The following RALGPS2 variants were observed in gnomAD, a reference collection of about 807,000 sequenced individuals.
RALGPS2 encodes Ral GEF with PH domain and SH3 binding motif 2, also known as ras-specific guanine nucleotide-releasing factor RalGPS2.
In RALGPS2, 43 loss-of-function variants were observed where a neutral mutation model predicts 86.8. The observed-to-expected ratio is 0.50, with a 90% CI of 0.39 to 0.64. The LOEUF (loss-of-function observed/expected upper bound fraction) is 0.64. Ranked by LOEUF, RALGPS2 falls within the 30% of genes least tolerant of loss-of-function variation. The pLI, the probability that RALGPS2 is intolerant of heterozygous loss-of-function variation, is 0.00. For missense variants in RALGPS2, 536 were observed against 694.6 expected, an observed-to-expected ratio of 0.77 and a Z score of 2.57; for synonymous variants, 243 against 231.3, an observed-to-expected ratio of 1.05 and a Z score of -0.46.
intron 1 of RALGPS2, among the ~76,000 whole-genome samples, chr1:178,752,486 T>C (rs979700425): frequency 8.5e-5 from 13 of 152,060 alleles, no homozygotes; most frequent in African/African-American, 3.1e-4. Flanking sequence ...TTGCCAGCAC[T>C]ATCTTCCTGC....
At chr1:178,845,942 A>T (rs1656845503) in intron 8 of RALGPS2, among the ~76,000 whole-genome samples, 1 of 152,214 alleles carries the variant, frequency 6.6e-6, no homozygotes, top group African/African-American at 2.4e-5. Context: ...TCCTTATCAT[A>T]GTTAATGACA....
intron 1 of RALGPS2, among the ~76,000 whole-genome samples, chr1:178,773,401 A>G (rs12143050): frequency 0.089 from 13,543 of 152,240 alleles, 654 homozygotes; most frequent in African/African-American, 0.13. Flanking sequence ...CATTTATAAC[A>G]CAAAGAAAAG....
At chr1:178,871,931 C>T (rs570200758) in intron 8 of RALGPS2, among the ~76,000 whole-genome samples, 1 of 152,292 alleles carries the variant, frequency 6.6e-6, no homozygotes, top group East Asian at 1.9e-4. Flanking sequence ...GTGTTGAGTA[C>T]AACTATACTA....
rs193024461 is a variant in RALGPS2 at position 178,875,419 on chromosome 1, G to A, written c.608-2079G>A. Among the ~76,000 whole-genome samples the A allele has an allele frequency of 7.2e-4, 110 of 152,260 alleles. 1 individual carries two copies. Among genetic ancestry groups the A allele is most frequent in the Middle Eastern group, 6.8e-3 (2 of 294 alleles). ...TGGGATCAGATTTGAAGGAAGAGTT[G>A]CTTAGATTTTGTTTTATAAGTAGGG... On this transcript the variant is annotated intron_variant, in intron 8 of 19. Transcript: ENST00000367635.
chr1:178,842,765 C>T (rs1389162036), intron 8 of RALGPS2, among the ~76,000 whole-genome samples: 1 of 147,688 alleles, frequency 6.8e-6, no homozygotes, highest in East Asian at 2.0e-4. Context: ...TGACAAAGGG[C>T]TAATATCCAG....
At chr1:178,744,531 T>C (rs1651201521) in intron 1 of RALGPS2, among the ~76,000 whole-genome samples, 1 of 151,934 alleles carries the variant, frequency 6.6e-6, no homozygotes, top group Non-Finnish European at 1.5e-5. Flanking sequence ...AGAAATAAGC[T>C]GGGTTTGGTG....
chr1:178,876,803 T>C (rs1659024458), intron 8 of RALGPS2, among the ~76,000 whole-genome samples: 2 of 152,234 alleles, frequency 1.3e-5, no homozygotes, highest in South Asian at 2.1e-4. Flanking sequence ...CAACCAAATT[T>C]TAGAGGATGT....
chr1:178,856,926 A>G (rs1449845043), intron 8 of RALGPS2, among the ~76,000 whole-genome samples: 1 of 152,190 alleles, frequency 6.6e-6, no homozygotes, highest in Non-Finnish European at 1.5e-5. Flanking sequence ...CCTGTGGCAC[A>G]AAACATTAAT....
rs58110181 is a variant in RALGPS2 at position 178,818,990 on chromosome 1, C to CTT, written c.388-2607_388-2606dup. ...ATGAGTTTTTGTTGTTTTTCTTTTTCTTTTTTTTTTTTTTTTGAGACAGGG... is the reference window on the plus strand; with the variant it reads ...ATGAGTTTTTGTTGTTTTTCTTTTTCTTTTTTTTTTTTTTTTTTGAGACAGGG... On this transcript the variant is annotated intron_variant, in intron 6 of 19. Coordinates refer to ENST00000367635, the MANE Select transcript of RALGPS2 (RefSeq NM_152663.5). 5.9e-3 allele frequency among the ~76,000 whole-genome samples: 804 copies of CTT among 135,582 alleles called. 18 individuals carry two copies. Among genetic ancestry groups the CTT allele is most frequent in the African/African-American group, 0.021 (776 of 36,516 alleles). 88.9% of individuals were successfully genotyped at this position (135,582 alleles called of 152,430 possible). A position where few individuals can be genotyped will look rare whatever the true frequency, so the allele number is the denominator to read the frequency against.
chr1:178,810,842 GCTTTGA>G (rs1184516050), intron 5 of RALGPS2, among the ~76,000 whole-genome samples: 2 of 151,862 alleles, frequency 1.3e-5, no homozygotes, highest in Non-Finnish European at 2.9e-5. Context: ...AACTTACAGT[GCTTTGA>G]CTTTTTTTCA....
At chr1:178,837,679 A>G (rs1314725314) in intron 8 of RALGPS2, among the ~76,000 whole-genome samples, 1 of 146,320 alleles carries the variant, frequency 6.8e-6, no homozygotes, top group East Asian at 2.0e-4. Context: ...CTTGTCGGAC[A>G]GTGGGTGCAG....
At chr1:178,875,040 CAT>C (rs140242482) in intron 8 of RALGPS2, among the ~76,000 whole-genome samples, 3,313 of 152,270 alleles carry the variant, frequency 0.022, 139 homozygotes, top group African/African-American at 0.076. Context: ...AAGTAACACA[CAT>C]ATATGCAATC....
In RALGPS2 at chr1:178,822,487, C is replaced by G. The variant is rs1435150357; in HGVS notation, c.480+783C>G. Among the ~76,000 whole-genome samples the G allele has an allele frequency of 6.0e-5, 9 of 150,562 alleles. No individual in the cohort carries two copies. In the South Asian group the frequency reaches 1.9e-3, roughly 31 times the overall value. ...TTAAGGTTCTGGGCTAAAATCATGACTGACTTTTTAAAACTTTATTACTAA... is the reference window on the plus strand; with the variant it reads ...TTAAGGTTCTGGGCTAAAATCATGAGTGACTTTTTAAAACTTTATTACTAA... On this transcript the variant is annotated intron_variant, in intron 7 of 19. Coordinates refer to ENST00000367635, the MANE Select transcript of RALGPS2 (RefSeq NM_152663.5).
At chr1:178,897,519 T>G (rs1660000566) in intron 16 of RALGPS2, 145 bp from the exon 17 acceptor site, 3 of 622,316 alleles carry the variant, frequency 4.8e-6, no homozygotes, top group Non-Finnish European at 2.9e-6. Context: ...TATTTGAGAT[T>G]AAGATTTCAG....
In RALGPS2 at chr1:178,732,264, A is replaced by G. The variant is rs552018571; in HGVS notation, c.-84+6845A>G. On this transcript the variant is annotated intron_variant, in intron 1 of 19. Transcript: ENST00000367635. The stretch of plus-strand genomic sequence containing the variant: ...AGCAGTAAGGGCTCACTTGAGATAC[A>G]TGGTTCTGAATTTTATGTTCCTGAT... Among the ~76,000 whole-genome samples the G allele has an allele frequency of 2.5e-3, 379 of 151,344 alleles. 1 individual carries two copies. Among genetic ancestry groups the G allele is most frequent in the African/African-American group, 8.8e-3 (361 of 41,112 alleles).
chr1:178,861,808 C>T (rs1030547565), intron 8 of RALGPS2, among the ~76,000 whole-genome samples: 1 of 151,916 alleles, frequency 6.6e-6, no homozygotes, highest in Non-Finnish European at 1.5e-5. Context: ...ATTTCTATAC[C>T]CAGTGGGTCA....
intron 8 of RALGPS2, among the ~76,000 whole-genome samples, chr1:178,844,434 G>A (rs899760911): frequency 1.3e-5 from 2 of 152,148 alleles, no homozygotes; most frequent in Non-Finnish European, 2.9e-5. Context: ...TTTATCTGTA[G>A]TTCAATGTGG....
At chr1:178,816,062 G>C (rs559528320) in intron 6 of RALGPS2, among the ~76,000 whole-genome samples, 2 of 152,202 alleles carry the variant, frequency 1.3e-5, no homozygotes, top group South Asian at 4.1e-4. Flanking sequence ...TATGCATTGA[G>C]TTTTCTTGGA....
intron 5 of RALGPS2, among the ~76,000 whole-genome samples, chr1:178,809,415 C>CA (rs1654877310): frequency 6.6e-6 from 1 of 151,334 alleles, no homozygotes; most frequent in Non-Finnish European, 1.5e-5. Flanking sequence ...GGAAATCCTC[C>CA]AAGGGCAGTT....
Sources: gnomAD v4.1 joint callset for allele counts (sites outside exome capture counted in the v4.1 genomes callset) on GRCh38, gnomAD v4.1.1 for gene constraint, MANE v1.5 for transcripts, NCBI Gene and HGNC (gene_info 2026-07-23, HGNC 2026-07-21) for gene names.